Variants in TMC1 observed in about 807,000 individuals in gnomAD.
TMC1 encodes transmembrane channel-like protein 1.
TMC1 carries 84 observed loss-of-function variants against 105.8 expected under a neutral mutation model. That is an observed-to-expected ratio of 0.79 (90% CI 0.67 to 0.95). The LOEUF (loss-of-function observed/expected upper bound fraction) is 0.95, where lower values mean the gene tolerates loss of function less well. TMC1 is among the 40% of genes least tolerant of loss of function. The pLI, the probability that TMC1 is intolerant of heterozygous loss-of-function variation, is 0.00. For missense variants in TMC1, 817 were observed against 914.1 expected (o/e 0.89, Z 1.37); for synonymous variants, 315 against 311.5 (o/e 1.01, Z -0.12).
chr9:72,697,031 A>G (rs1381718903), intron 7 of TMC1, among the ~76,000 whole-genome samples: 1 of 152,200 alleles, frequency 6.6e-6, no homozygotes, highest in African/African-American at 2.4e-5. Context: ...CAACAACTGT[A>G]CCCTGTAACA....
chr9:72,797,229 A>C (rs2118212760), intron 17 of TMC1, among the ~76,000 whole-genome samples: 1 of 152,266 alleles, frequency 6.6e-6, no homozygotes, highest in South Asian at 2.1e-4. Flanking sequence ...GACACACACA[A>C]ATGGGAAAAC....
intron 13 of TMC1, among the ~76,000 whole-genome samples, chr9:72,773,490 T>G (rs1827963358): frequency 6.6e-6 from 1 of 152,156 alleles, no homozygotes; most frequent in Non-Finnish European, 1.5e-5. Flanking sequence ...CTGCCATATT[T>G]CATTTTTAAG....
At chr9:72,523,459 T>C (rs905229790) in intron 1 of TMC1, among the ~76,000 whole-genome samples, 10 of 152,232 alleles carry the variant, frequency 6.6e-5, no homozygotes, top group African/African-American at 2.4e-4. Flanking sequence ...ATATTTTGTA[T>C]GTTTTATGTA....
chr9:72,522,864 T>C (rs1413111568), intron 1 of TMC1, among the ~76,000 whole-genome samples: 3 of 152,226 alleles, frequency 2.0e-5, no homozygotes, highest in African/African-American at 7.2e-5. Context: ...CTTAGCACTA[T>C]TGGCCTTTGG....
At chr9:72,817,324 TC>T (rs1372166401) in intron 19 of TMC1, 1 of 152,116 alleles carries the variant, frequency 6.6e-6, no homozygotes, top group African/African-American at 2.4e-5. Flanking sequence ...TCCCTTCCTT[TC>T]TAAATTTTCC....
intron 8 of TMC1, among the ~76,000 whole-genome samples, chr9:72,703,000 A>G (rs984895129): frequency 2.0e-5 from 3 of 152,052 alleles, no homozygotes; most frequent in East Asian, 3.9e-4. Context: ...TTTGGCCCAC[A>G]TGTGTTTTGT....
At chr9:72,530,077 T>A (rs1823473680) in intron 1 of TMC1, among the ~76,000 whole-genome samples, 1 of 152,154 alleles carries the variant, frequency 6.6e-6, no homozygotes, top group Admixed American at 6.6e-5. Flanking sequence ...TTATAGTGTA[T>A]CTGGGCAGGT....
intron 5 of TMC1, among the ~76,000 whole-genome samples, chr9:72,659,510 T>C (rs1202213965): frequency 6.6e-6 from 1 of 152,166 alleles, no homozygotes; most frequent in Non-Finnish European, 1.5e-5. Context: ...GGCATGTGCC[T>C]GTAGTCCCAG....
chr9:72,713,892 C>T (rs1163678173), intron 8 of TMC1, among the ~76,000 whole-genome samples: 2 of 151,966 alleles, frequency 1.3e-5, no homozygotes, highest in South Asian at 2.1e-4. Flanking sequence ...CTTTCTTTCT[C>T]TTGTGGGCTT....
In TMC1 at chr9:72,648,536, C is replaced by G. The variant is rs142679856; in HGVS notation, c.-52-61C>G. The G allele has an allele frequency of 5.7e-5, 53 of 928,856 alleles. No homozygotes were observed. In the East Asian group the frequency reaches 6.5e-4, roughly 11 times the overall value. 57.5% of individuals were successfully genotyped at this position (928,856 alleles called of 1,614,324 possible). A position where few individuals can be genotyped will look rare whatever the true frequency, so the allele number is the denominator to read the frequency against. Reference sequence around the variant, plus strand: ...GGCACCAGGGGAGCACTTTCAGTGGCAGGCAGAAGTGTGTGGATGTGCTAG... The same window carrying G: ...GGCACCAGGGGAGCACTTTCAGTGGGAGGCAGAAGTGTGTGGATGTGCTAG... On this transcript the variant is annotated intron_variant, in intron 4 of 23. Transcript: ENST00000297784.
intron 13 of TMC1, among the ~76,000 whole-genome samples, chr9:72,788,051 G>A (rs1400822501): frequency 6.6e-6 from 1 of 152,074 alleles, no homozygotes; most frequent in Non-Finnish European, 1.5e-5. Context: ...AATTATCTCA[G>A]TTAAACAAAA....
At chr9:72,560,010 G>A (rs1226327567) in intron 1 of TMC1, among the ~76,000 whole-genome samples, 1 of 152,216 alleles carries the variant, frequency 6.6e-6, no homozygotes, top group Non-Finnish European at 1.5e-5. Context: ...AAATAGGTAT[G>A]TTAGAAGGAG....
rs778579843 is a variant in TMC1, at chr9:72,782,003, C to T, written c.885-6336C>T. ...CTGATACCAAATCCTGGCAGAGACA[C>T]AATGAGAAAATAAAACTTCAGGCCA... On this transcript the variant is annotated intron_variant, in intron 13 of 23. Transcript: ENST00000297784. Among the ~76,000 whole-genome samples the T allele has an allele frequency of 9.2e-5, 14 of 152,174 alleles. 1 individual carries two copies. The highest frequency in any genetic ancestry group is 4.1e-4 in the South Asian group (2 of 4,828).
At chr9:72,669,007 T>C (rs1039710789) in intron 5 of TMC1, among the ~76,000 whole-genome samples, 4 of 152,184 alleles carry the variant, frequency 2.6e-5, no homozygotes, top group Admixed American at 2.0e-4. Flanking sequence ...AATTTTGCCC[T>C]TTTAAAAGAT....
At chr9:72,543,952 C>CTTTTTTTCT (rs1823721519) in intron 1 of TMC1, among the ~76,000 whole-genome samples, 1 of 134,342 alleles carries the variant, frequency 7.4e-6, no homozygotes, top group African/African-American at 2.9e-5. Context: ...TTCTTTCTTT[C>CTTTTTTTCT]TTTTTTTTTT....
intron 17 of TMC1, among the ~76,000 whole-genome samples, chr9:72,796,302 C>T (rs1335605666): frequency 1.3e-5 from 2 of 152,144 alleles, no homozygotes; most frequent in African/African-American, 2.4e-5. Flanking sequence ...CAAAGAAGAA[C>T]TGGTAACATT....
chr9:72,752,415 C>T (rs1827594037), intron 11 of TMC1, among the ~76,000 whole-genome samples: 1 of 151,048 alleles, frequency 6.6e-6, no homozygotes, highest in Admixed American at 6.6e-5. Flanking sequence ...TGAACATTTT[C>T]CCCCTAAGAT....
intron 23 of TMC1, among the ~76,000 whole-genome samples, chr9:72,832,615 G>A (rs1416366776): frequency 6.6e-6 from 1 of 152,098 alleles, no homozygotes; most frequent in Admixed American, 6.6e-5. Context: ...AGGAGAAAAG[G>A]ATGCTGGGTG....
At chr9:72,588,278 A>G (rs1254215869) in intron 2 of TMC1, among the ~76,000 whole-genome samples, 1 of 152,212 alleles carries the variant, frequency 6.6e-6, no homozygotes, top group Non-Finnish European at 1.5e-5. Context: ...GGATGAAGCT[A>G]ACAAAAAAAT....
Sources: allele counts gnomAD v4.1 joint callset (sites outside exome capture counted in the v4.1 genomes callset), GRCh38; gene constraint gnomAD v4.1.1; transcripts MANE v1.5; gene names NCBI Gene and HGNC (gene_info 2026-07-23, HGNC 2026-07-21).